Variants in MRE11 observed in about 807,000 individuals in gnomAD.
The protein encoded by MRE11 is MRE11 double strand break repair nuclease.
MRE11 carries 62 observed loss-of-function variants against 91.7 expected under a neutral mutation model. The ratio of observed to expected loss-of-function variants is 0.68; its 90% CI spans 0.55 to 0.84. The LOEUF (loss-of-function observed/expected upper bound fraction) is 0.84, where lower values mean the gene tolerates loss of function less well. MRE11 is among the 40% of genes least tolerant of loss of function. The probability of loss-of-function intolerance (pLI) is 0.00; values close to 1 mark genes in which losing one functional copy is unlikely to be tolerated. For missense variants in MRE11, 796 were observed against 852.9 expected (o/e 0.93, Z 0.83); for synonymous variants, 273 against 271.4 (o/e 1.01, Z -0.06).
chr11:94,471,562 T>C lies in MRE11; in HGVS notation c.845+12A>G, dbSNP rs1348733894. The C allele has an allele frequency of 5.6e-6, 9 of 1,611,634 alleles. No individual in the cohort carries two copies. The South Asian group carries it at 6.6e-5, about 12-fold the overall frequency. On this transcript the variant is annotated intron_variant, in intron 8 of 19. Coordinates refer to ENST00000323929, the MANE Select transcript of MRE11 (RefSeq NM_005591.4). ...ATTTCTTAAAAATTGGCTCAAAATA[T>C]ATAACACTCACTTCTTTACAGCTTC...
intron 5 of MRE11, 109 bp from the exon 6 acceptor site, chr11:94,478,985 T>C (rs1457855381): frequency 3.3e-6 from 4 of 1,212,378 alleles, no homozygotes; most frequent in Non-Finnish European, 4.7e-6. Flanking sequence ...TACAAAAACA[T>C]AGATGAGGAT....
upstream of MRE11, chr11:94,494,159 C>T (rs904019734): frequency 3.3e-5 from 5 of 152,336 alleles, no homozygotes; most frequent in Admixed American, 2.6e-4. Context: ...CAGGCCGCTT[C>T]GTGGTCCCCA....
chr11:94,463,384 G>A (rs1215395359), intron 11 of MRE11, among the ~76,000 whole-genome samples: 1 of 152,112 alleles, frequency 6.6e-6, no homozygotes. Context: ...GATTCCTCAA[G>A]GACCTAGAAC....
intron 3 of MRE11, among the ~76,000 whole-genome samples, chr11:94,488,800 G>T (rs1224279986): frequency 6.6e-6 from 1 of 152,130 alleles, no homozygotes; most frequent in African/African-American, 2.4e-5. Flanking sequence ...GAGAGCAGAT[G>T]ATAGGAGGAG....
intron 7 of MRE11, among the ~76,000 whole-genome samples, chr11:94,475,037 T>A (rs1203979221): frequency 6.6e-6 from 1 of 152,230 alleles, no homozygotes; most frequent in East Asian, 1.9e-4. Flanking sequence ...GTAACACAAG[T>A]CAGCCTCTTA....
chr11:94,435,105 C>G (rs1302118326), intron 18 of MRE11, among the ~76,000 whole-genome samples: 2 of 152,212 alleles, frequency 1.3e-5, no homozygotes, highest in Non-Finnish European at 2.9e-5. Context: ...CCTCTGAAGG[C>G]AGACTGAGTC....
At chr11:94,458,408 T>C (rs13447669) in intron 13 of MRE11, among the ~76,000 whole-genome samples, 125 of 152,114 alleles carry the variant, frequency 8.2e-4, no homozygotes, top group African/African-American at 2.7e-3. Context: ...CAATTAACAT[T>C]AGATTAGAAA....
intron 10 of MRE11, among the ~76,000 whole-genome samples, chr11:94,467,101 T>C (rs1192412110): frequency 5.9e-5 from 9 of 152,232 alleles, no homozygotes; most frequent in African/African-American, 1.9e-4. Flanking sequence ...GCCTTGGTTA[T>C]AGTGAACTGA....
chr11:94,491,800 TACAA>T (rs1223961962), intron 2 of MRE11, among the ~76,000 whole-genome samples: 9 of 152,198 alleles, frequency 5.9e-5, no homozygotes, highest in Non-Finnish European at 1.3e-4. Context: ...TTCAAATCTT[TACAA>T]ACAAAAGATA....
intron 2 of MRE11, among the ~76,000 whole-genome samples, chr11:94,492,354 G>T (rs1947307170): frequency 6.6e-6 from 1 of 152,212 alleles, no homozygotes; most frequent in South Asian, 2.1e-4. Context: ...CTCCCAAAGT[G>T]CACATAACTT....
At chr11:94,463,715 G>C (rs1591679672) in intron 11 of MRE11, among the ~76,000 whole-genome samples, 1 of 151,696 alleles carries the variant, frequency 6.6e-6, no homozygotes, top group Non-Finnish European at 1.5e-5. Flanking sequence ...CTCACTCATA[G>C]GTGGGAATTG....
chr11:94,497,032 T>C (rs546706480), upstream of MRE11: 491 of 1,560,152 alleles, frequency 3.1e-4, no homozygotes, highest in Non-Finnish European at 4.1e-4. Context: ...TTTACTGTTA[T>C]GGCCATCATA....
At chr11:94,498,482 T>C (rs369504802), upstream of MRE11, 108 of 1,613,798 alleles carry the variant, frequency 6.7e-5, no homozygotes, top group Middle Eastern at 1.6e-4. Flanking sequence ...TATCTATCAC[T>C]ACCTCTTTGA....
chr11:94,493,905 G>A (rs1002078668), upstream of MRE11: 4 of 152,234 alleles, frequency 2.6e-5, no homozygotes, highest in Non-Finnish European at 5.9e-5. Context: ...GGCTCTCATT[G>A]GCTACCGCAC....
chr11:94,498,170 C>T (rs1377560836), upstream of MRE11: 2 of 1,614,110 alleles, frequency 1.2e-6, no homozygotes, highest in Non-Finnish European at 1.7e-6. Context: ...CTACAGTGGA[C>T]ACTTAGATAT....
chr11:94,471,685 T>C lies in MRE11; in HGVS notation c.734A>G (p.His245Arg), dbSNP rs1555013153. 1 of 1,612,834 alleles carries C rather than the reference T, an allele frequency of 6.2e-7. No individual in the cohort carries two copies. The highest frequency in any genetic ancestry group is 8.5e-7 in the Non-Finnish European group (1 of 1,179,184). Reference protein sequence around the residue: ...DDFIDLVIWGHEHECKIAPTK... With the variant: ...DDFIDLVIWGREHECKIAPTK... ...TGGAGCTATTTTACACTCATGTTCA[T>C]GGCCCCAGATAACAAGATCAATGAA... The change falls in exon 8 of 20, where the codon CAT becomes CGT. Residue 245 changes from histidine to arginine, a missense_variant. Physicochemically the swap from His to Arg is conservative, Grantham distance 29. Coordinates refer to ENST00000323929, the MANE Select transcript of MRE11 (RefSeq NM_005591.4).
In MRE11 at chr11:94,445,469, C is replaced by A. The variant is rs186349524; in HGVS notation, c.1867+341G>T. Among the ~76,000 whole-genome samples, 9 of 152,272 alleles carry A rather than the reference C, an allele frequency of 5.9e-5. No individual in the cohort carries two copies. In the East Asian group the frequency reaches 1.7e-3, roughly 29 times the overall value. On this transcript the variant is annotated intron_variant, in intron 16 of 19. Coordinates refer to ENST00000323929, the MANE Select transcript of MRE11 (RefSeq NM_005591.4). ...GGACTACAGGCATGTGCCACCACGCCTGGCTGATTTTTGTATTTTTAGTAG... is the reference window on the plus strand; with the variant it reads ...GGACTACAGGCATGTGCCACCACGCATGGCTGATTTTTGTATTTTTAGTAG...
Position 94,435,831 on chromosome 11 carries a change from C to T in MRE11, c.1994+1G>A. ...CTTTTGCAGAAAATCACTGCACCTACCTTTGATCTGTCTTTGAAGTGGTAG... is the reference window on the plus strand; with the variant it reads ...CTTTTGCAGAAAATCACTGCACCTATCTTTGATCTGTCTTTGAAGTGGTAG... On this transcript the variant is annotated splice_donor_variant, in intron 18 of 19. Coordinates refer to ENST00000323929, the MANE Select transcript of MRE11 (RefSeq NM_005591.4). LOFTEE classifies it high-confidence loss of function. The T allele has an allele frequency of 6.2e-7, 1 of 1,612,150 alleles. No homozygotes were observed. The highest frequency in any genetic ancestry group is 8.5e-7 in the Non-Finnish European group (1 of 1,178,512).
Position 94,461,040 on chromosome 11 carries a change from G to C in MRE11, c.1226-4C>G. 6.2e-7 allele frequency: 1 copy of C among 1,606,132 alleles called. No individual in the cohort carries two copies. The highest frequency in any genetic ancestry group is 8.5e-7 in the Non-Finnish European group (1 of 1,174,882). On this transcript the variant is annotated splice_polypyrimidine_tract_variant and splice_region_variant and intron_variant, in intron 11 of 19. Coordinates refer to ENST00000323929, the MANE Select transcript of MRE11 (RefSeq NM_005591.4). ...TTCCCAAAGTTGATCTCTTCTCCTA[G>C]AAAAAAAGAAGTATATCAAAAAATA...
Sources: gnomAD v4.1 joint callset for allele counts (sites outside exome capture counted in the v4.1 genomes callset) on GRCh38, gnomAD v4.1.1 for gene constraint, MANE v1.5 for transcripts, NCBI Gene and HGNC (gene_info 2026-07-23, HGNC 2026-07-21) for gene names.